Variants in OR7E24 observed in about 807,000 individuals in gnomAD.
OR7E24 encodes the protein olfactory receptor 7E24.
For synonymous variants in OR7E24, 130 were observed against 157.5 expected, an observed-to-expected ratio of 0.83 and a Z score of 1.31; for missense variants, 385 against 410.3, an observed-to-expected ratio of 0.94 and a Z score of 0.53.
At chr19:9,210,236 T>C in the OR7E24 span, 1 of 152,194 alleles carries the variant, frequency 6.6e-6, no homozygotes, top group Non-Finnish European at 1.5e-5. Flanking sequence ...TATTTACATT[T>C]ATTATATCAG....
At chr19:9,225,180 G>C in the OR7E24 span, among the ~76,000 whole-genome samples, 2 of 152,038 alleles carry the variant, frequency 1.3e-5, no homozygotes, top group African/African-American at 4.8e-5. Context: ...TTCAAGACCA[G>C]CCTGACCAAC....
the OR7E24 span, among the ~76,000 whole-genome samples, chr19:9,227,749 CTT>C: frequency 7.4e-5 from 8 of 107,902 alleles, no homozygotes; most frequent in African/African-American, 2.7e-4. Flanking sequence ...AATGGTATTT[CTT>C]TTTTTTTTTT....
chr19:9,219,970 T>G, the OR7E24 span, among the ~76,000 whole-genome samples: 1 of 152,192 alleles, frequency 6.6e-6, no homozygotes, highest in Non-Finnish European at 1.5e-5. Flanking sequence ...GAAGAGTCTT[T>G]GGAGATTTTA....
At chr19:9,238,531 T>C in the OR7E24 span, among the ~76,000 whole-genome samples, 1 of 152,322 alleles carries the variant, frequency 6.6e-6, no homozygotes, top group Middle Eastern at 3.4e-3. Context: ...GCTTGCCAAA[T>C]ATTCCCCACC....
At chr19:9,226,332 G>A in the OR7E24 span, among the ~76,000 whole-genome samples, 1 of 152,192 alleles carries the variant, frequency 6.6e-6, no homozygotes, top group African/African-American at 2.4e-5. Flanking sequence ...AGGAGACAAG[G>A]TCATTTATAA....
upstream of OR7E24, among the ~76,000 whole-genome samples, chr19:9,249,317 C>T (rs1162164687): frequency 6.6e-6 from 1 of 152,166 alleles, no homozygotes; most frequent in East Asian, 1.9e-4. Flanking sequence ...ATCTCTGTTA[C>T]ATATTGAATA....
the OR7E24 span, among the ~76,000 whole-genome samples, chr19:9,215,203 C>T: frequency 1.3e-5 from 2 of 151,914 alleles, no homozygotes; most frequent in African/African-American, 4.8e-5. Context: ...ATCAGCTGGG[C>T]GTTGTGGAGT....
At chr19:9,244,342 A>G (rs73500722), upstream of OR7E24, among the ~76,000 whole-genome samples, 2,452 of 152,354 alleles carry the variant, frequency 0.016, 54 homozygotes, top group Admixed American at 0.061. Context: ...TATAATACAT[A>G]AAGACACATA....
At chr19:9,226,752 A>G in the OR7E24 span, among the ~76,000 whole-genome samples, 1 of 152,142 alleles carries the variant, frequency 6.6e-6, no homozygotes. Context: ...TTGAAGAGGA[A>G]CCTCTACTTA....
the OR7E24 span, among the ~76,000 whole-genome samples, chr19:9,234,122 T>C: frequency 6.6e-6 from 1 of 152,146 alleles, no homozygotes. Flanking sequence ...CAGGCTGGTC[T>C]CGAACTCCTG....
At chr19:9,220,841 G>A in the OR7E24 span, among the ~76,000 whole-genome samples, 2 of 152,144 alleles carry the variant, frequency 1.3e-5, no homozygotes, top group African/African-American at 2.4e-5. Flanking sequence ...GTGTAGAAGG[G>A]TTTCCATTTC....
chr19:9,237,151 C>T, the OR7E24 span, among the ~76,000 whole-genome samples: 6 of 152,128 alleles, frequency 3.9e-5, 1 homozygote, highest in Non-Finnish European at 1.5e-5. Context: ...ATTAGTGCTT[C>T]GGAGTACCCT....
chr19:9,249,877 C>T (rs182704001), upstream of OR7E24, among the ~76,000 whole-genome samples: 1 of 152,190 alleles, frequency 6.6e-6, no homozygotes, highest in East Asian at 1.9e-4. Flanking sequence ...ATCGCTTGAA[C>T]CCAGGAGGCG....
chr19:9,214,977 G>T, the OR7E24 span: 1 of 601,770 alleles, frequency 1.7e-6, no homozygotes, highest in Non-Finnish European at 2.9e-6. Flanking sequence ...CAAAGACAAT[G>T]AATCTCTCAG....
the OR7E24 span, among the ~76,000 whole-genome samples, chr19:9,229,358 C>G: frequency 6.6e-6 from 1 of 151,712 alleles, no homozygotes; most frequent in Non-Finnish European, 1.5e-5. Flanking sequence ...GGTGAAACCC[C>G]ATCTCTACTA....
the OR7E24 span, chr19:9,209,172 G>A: frequency 4.6e-5 from 7 of 152,140 alleles, no homozygotes; most frequent in Admixed American, 1.3e-4. Flanking sequence ...AACTTCAATC[G>A]GGATAGAATA....
At chr19:9,246,573 C>G (rs1200730205), upstream of OR7E24, among the ~76,000 whole-genome samples, 1 of 150,836 alleles carries the variant, frequency 6.6e-6, no homozygotes, top group Middle Eastern at 3.4e-3. Context: ...CAGCGTTATT[C>G]ACAATAGCTA....
At chr19:9,211,576 G>C in the OR7E24 span, 1 of 152,140 alleles carries the variant, frequency 6.6e-6, no homozygotes, top group African/African-American at 2.4e-5. Context: ...TGGGTGTGGT[G>C]GGTCATGCCT....
At chr19:9,245,663 G>T (rs1308618512), upstream of OR7E24, among the ~76,000 whole-genome samples, 1 of 152,192 alleles carries the variant, frequency 6.6e-6, no homozygotes, top group Non-Finnish European at 1.5e-5. Context: ...CACAAACAAT[G>T]GTCAGCAAGT....
Sources: gnomAD v4.1 joint callset for allele counts (sites outside exome capture counted in the v4.1 genomes callset) on GRCh38, gnomAD v4.1.1 for gene constraint, MANE v1.5 for transcripts, NCBI Gene and HGNC (gene_info 2026-07-23, HGNC 2026-07-21) for gene names.